Variants in FAM83B observed in about 807,000 individuals in gnomAD.
The protein encoded by FAM83B is protein FAM83B.
Under a neutral mutation model 38.8 loss-of-function variants are expected in FAM83B, and 26 were observed. The ratio of observed to expected loss-of-function variants is 0.67; its 90% CI spans 0.49 to 0.93. The LOEUF (loss-of-function observed/expected upper bound fraction) is 0.93. Among genes scored for constraint, FAM83B ranks in the 40% least tolerant of loss-of-function variants. The pLI is 0.00. For missense variants in FAM83B, 1,237 were observed against 1,197.3 expected, an observed-to-expected ratio of 1.03 and a Z score of -0.49; for synonymous variants, 419 against 423.1, an observed-to-expected ratio of 0.99 and a Z score of 0.12.
intron 2 of FAM83B, among the ~76,000 whole-genome samples, chr6:54,899,503 A>G (rs1772609211): frequency 6.6e-6 from 1 of 152,188 alleles, no homozygotes; most frequent in African/African-American, 2.4e-5. Context: ...TAATGCCATA[A>G]GCAGAGCAGC....
At chr6:54,902,959 A>G (rs1033825085) in intron 2 of FAM83B, among the ~76,000 whole-genome samples, 28 of 152,362 alleles carry the variant, frequency 1.8e-4, no homozygotes, top group African/African-American at 5.3e-4. Flanking sequence ...TAAAACAAGT[A>G]CATTTTGATA....
At chr6:54,886,859 A>T (rs1174853492) in intron 2 of FAM83B, among the ~76,000 whole-genome samples, 1 of 151,788 alleles carries the variant, frequency 6.6e-6, no homozygotes, top group Non-Finnish European at 1.5e-5. Context: ...TTTTCTTTAA[A>T]TATAGCTTTA....
At chr6:54,895,712 G>A (rs903542297) in intron 2 of FAM83B, among the ~76,000 whole-genome samples, 1 of 152,014 alleles carries the variant, frequency 6.6e-6, no homozygotes, top group Non-Finnish European at 1.5e-5. Flanking sequence ...AATGGGTTCT[G>A]AAACTAGTAA....
At chr6:54,861,709 C>T (rs1771587559) in intron 1 of FAM83B, among the ~76,000 whole-genome samples, 1 of 152,062 alleles carries the variant, frequency 6.6e-6, no homozygotes. Context: ...GGAGTGTTTC[C>T]AGACAGAAAG....
chr6:54,865,470 T>G (rs984802380), intron 1 of FAM83B, among the ~76,000 whole-genome samples: 1 of 152,186 alleles, frequency 6.6e-6, no homozygotes, highest in African/African-American at 2.4e-5. Flanking sequence ...CCATGTAAGG[T>G]CACATTCACC....
At chr6:54,867,608 ACTT>A (rs1012566072) in intron 1 of FAM83B, among the ~76,000 whole-genome samples, 25 of 151,966 alleles carry the variant, frequency 1.6e-4, no homozygotes, top group Middle Eastern at 3.4e-3. Flanking sequence ...AATAAGTTTC[ACTT>A]CTTATTTCCA....
At chr6:54,908,461 T>C (rs2127583752) in intron 2 of FAM83B, among the ~76,000 whole-genome samples, 1 of 152,258 alleles carries the variant, frequency 6.6e-6, no homozygotes, top group East Asian at 1.9e-4. Flanking sequence ...GCATTTAGCA[T>C]AGATGAACAT....
chr6:54,898,011 T>C (rs1461386639), intron 2 of FAM83B, among the ~76,000 whole-genome samples: 1 of 152,144 alleles, frequency 6.6e-6, no homozygotes, highest in Non-Finnish European at 1.5e-5. Flanking sequence ...CATGTATACT[T>C]TTTGGTTGTA....
intron 2 of FAM83B, among the ~76,000 whole-genome samples, chr6:54,891,711 A>C (rs940290792): frequency 6.6e-6 from 1 of 152,176 alleles, no homozygotes; most frequent in Non-Finnish European, 1.5e-5. Context: ...TAAAGGCATC[A>C]TCACATTCCT....
At chr6:54,885,393 A>G (rs1008914541) in intron 2 of FAM83B, among the ~76,000 whole-genome samples, 4 of 152,090 alleles carry the variant, frequency 2.6e-5, no homozygotes, top group African/African-American at 9.7e-5. Flanking sequence ...CCTGTTGGAA[A>G]TATTTTAATT....
chr6:54,874,953 T>C (rs1771956613), intron 2 of FAM83B, among the ~76,000 whole-genome samples: 1 of 152,034 alleles, frequency 6.6e-6, no homozygotes. Flanking sequence ...ATATTAACCA[T>C]CAGTTGGCCC....
In FAM83B at chr6:54,940,279, C is replaced by T. The variant is rs370955123; in HGVS notation, c.1308C>T (p.His436=). Residue 436 remains histidine, a synonymous_variant, in exon 5 of 5, where the codon CAC becomes CAT. Transcript: ENST00000306858. ...CATCACGGGAAGGCTATGTAAGCCA[C>T]CACAACACACCTGCCCAGAGTTTTG... is the stretch of plus-strand genomic sequence containing the variant. ...ASSSREGYVS[H]HNTPAQSFAN... 6.2e-7 allele frequency: 1 copy of T among 1,613,918 alleles called. No homozygotes were observed. Among genetic ancestry groups the T allele is most frequent in the Non-Finnish European group, 8.5e-7 (1 of 1,180,012 alleles).
At chr6:54,888,111 T>C (rs1212521814) in intron 2 of FAM83B, among the ~76,000 whole-genome samples, 7 of 151,516 alleles carry the variant, frequency 4.6e-5, no homozygotes, top group South Asian at 2.1e-4. Context: ...TATATAATAA[T>C]AAATTTACAT....
At chr6:54,899,977 G>A (rs1196913482) in intron 2 of FAM83B, among the ~76,000 whole-genome samples, 1 of 152,046 alleles carries the variant, frequency 6.6e-6, no homozygotes, top group Non-Finnish European at 1.5e-5. Context: ...AAACAAAAAG[G>A]AAACCTGATA....
chr6:54,853,784 C>A (rs566374523), intron 1 of FAM83B, among the ~76,000 whole-genome samples: 78 of 152,310 alleles, frequency 5.1e-4, no homozygotes, highest in African/African-American at 1.8e-3. Context: ...GTGACTTTGA[C>A]TTTTAAGTTT....
intron 2 of FAM83B, among the ~76,000 whole-genome samples, chr6:54,905,478 A>G (rs1772756846): frequency 6.6e-6 from 1 of 152,176 alleles, no homozygotes; most frequent in Non-Finnish European, 1.5e-5. Flanking sequence ...CTTTCACCTC[A>G]CATTCTTTCC....
At chr6:54,904,122 A>G (rs1351356402) in intron 2 of FAM83B, among the ~76,000 whole-genome samples, 2 of 152,016 alleles carry the variant, frequency 1.3e-5, no homozygotes, top group East Asian at 3.9e-4. Context: ...CATATTGTTC[A>G]TTGCTCAATT....
intron 4 of FAM83B, among the ~76,000 whole-genome samples, chr6:54,937,700 GC>G (rs1190025209): frequency 6.6e-6 from 1 of 152,018 alleles, no homozygotes; most frequent in Admixed American, 6.6e-5. Context: ...GGAAAGTGAA[GC>G]CCAAGCTCAT....
At chr6:54,939,560 G>A in intron 4 of FAM83B, 146 bp from the exon 5 acceptor site, 5 of 731,312 alleles carry the variant, frequency 6.8e-6, no homozygotes, top group East Asian at 2.9e-5. Flanking sequence ...AAAACATGTA[G>A]TGCATGTAAT....
Sources: gnomAD v4.1 joint callset for allele counts (sites outside exome capture counted in the v4.1 genomes callset) on GRCh38, gnomAD v4.1.1 for gene constraint, MANE v1.5 for transcripts, NCBI Gene and HGNC (gene_info 2026-07-23, HGNC 2026-07-21) for gene names.